NRG1: variants seen among roughly 807,000 people sequenced by gnomAD.
The protein encoded by NRG1 is neuregulin 1, also known as pro-neuregulin-1, membrane-bound isoform.
NRG1 carries 18 observed loss-of-function variants against 63.8 expected under a neutral mutation model. The ratio of observed to expected loss-of-function variants is 0.28; its 90% CI spans 0.19 to 0.42. The LOEUF is 0.42. NRG1 is among the 10% of genes least tolerant of loss of function. The pLI, the probability that NRG1 is intolerant of heterozygous loss-of-function variation, is 1.00. For synonymous variants in NRG1, 302 were observed against 301.3 expected, an observed-to-expected ratio of 1.00 and a Z score of -0.02; for missense variants, 762 against 814.7, an observed-to-expected ratio of 0.94 and a Z score of 0.79.
intron 1 of NRG1, among the ~76,000 whole-genome samples, chr8:32,068,317 A>C (rs1455381205): frequency 6.6e-6 from 1 of 152,222 alleles, no homozygotes; most frequent in Non-Finnish European, 1.5e-5. Context: ...GGGATTAGTA[A>C]TTGCAAAAGC....
intron 1 of NRG1, among the ~76,000 whole-genome samples, chr8:31,964,550 A>G (rs906312643): frequency 1.3e-5 from 2 of 152,176 alleles, no homozygotes; most frequent in African/African-American, 4.8e-5. Flanking sequence ...CTGTAGTCCC[A>G]GCTACTTGGG....
At position 32,109,073 on chromosome 8, in the gene NRG1, T is replaced by A. The variant is rs1831658615; in HGVS notation, c.37+469642T>A. 2.0e-5 allele frequency among the ~76,000 whole-genome samples: 3 copies of A among 152,210 alleles called. No individual in the cohort carries two copies. The South Asian group carries it at 6.2e-4, about 31-fold the overall frequency. On this transcript the variant is annotated intron_variant, in intron 1 of 10. Transcript: ENST00000519301. ...TACTGCTGCAACATCTTTGGTGTAA[T>A]TAAAACATCCTCCATGAATCAGAGT...
At chr8:32,255,554 G>T (rs966935399) in intron 1 of NRG1, among the ~76,000 whole-genome samples, 1 of 152,200 alleles carries the variant, frequency 6.6e-6, no homozygotes, top group African/African-American at 2.4e-5. Context: ...TTTCTGCAGA[G>T]AATTCCTCTG....
intron 1 of NRG1, among the ~76,000 whole-genome samples, chr8:32,485,859 C>A (rs1587919272): frequency 6.6e-6 from 1 of 152,210 alleles, no homozygotes; most frequent in South Asian, 2.1e-4. Flanking sequence ...CACTCAAACC[C>A]CTAAAGTTAT....
At chr8:32,030,112 T>C (rs556430795) in intron 1 of NRG1, among the ~76,000 whole-genome samples, 2 of 152,320 alleles carry the variant, frequency 1.3e-5, no homozygotes, top group South Asian at 2.1e-4. Flanking sequence ...GTTTGAATAA[T>C]AAATATATGT....
chr8:31,894,614 G>C (rs1472775796), intron 1 of NRG1, among the ~76,000 whole-genome samples: 1 of 147,204 alleles, frequency 6.8e-6, no homozygotes, highest in Non-Finnish European at 1.5e-5. Context: ...GCAGTGGTGC[G>C]ATCTTGGCTC....
intron 1 of NRG1, among the ~76,000 whole-genome samples, chr8:31,821,196 A>G (rs745541758): frequency 2.0e-5 from 3 of 152,214 alleles, no homozygotes; most frequent in Non-Finnish European, 4.4e-5. Context: ...TTTGGGGCAT[A>G]TTTTTGAATC....
chr8:31,772,255 T>C (rs543352758), intron 1 of NRG1, among the ~76,000 whole-genome samples: 6 of 152,332 alleles, frequency 3.9e-5, no homozygotes, highest in African/African-American at 1.4e-4. Flanking sequence ...CCAGTGTTTC[T>C]TGTCACGTTT....
At chr8:31,993,839 C>T (rs1811479272) in intron 1 of NRG1, among the ~76,000 whole-genome samples, 1 of 152,042 alleles carries the variant, frequency 6.6e-6, no homozygotes, top group African/African-American at 2.4e-5. Context: ...TACTGTGATT[C>T]ATCTTGAAGT....
At chr8:32,533,343 T>A (rs1831644954) in intron 1 of NRG1, among the ~76,000 whole-genome samples, 1 of 152,098 alleles carries the variant, frequency 6.6e-6, no homozygotes, top group South Asian at 2.1e-4. Context: ...TCAAGTACAA[T>A]AAAATGGATT....
intron 5 of NRG1, among the ~76,000 whole-genome samples, chr8:32,690,417 C>G (rs1456552295): frequency 6.6e-6 from 1 of 152,094 alleles, no homozygotes; most frequent in Non-Finnish European, 1.5e-5. Context: ...CAGAGCAGAC[C>G]TACTGTATTG....
At chr8:32,567,832 T>C (rs944434784) in intron 1 of NRG1, among the ~76,000 whole-genome samples, 7 of 152,204 alleles carry the variant, frequency 4.6e-5, no homozygotes, top group Non-Finnish European at 7.3e-5. Context: ...GGAGTGTCAA[T>C]TGAAGAAATT....
chr8:31,980,336 T>G (rs1034227538), intron 1 of NRG1, among the ~76,000 whole-genome samples: 5 of 152,106 alleles, frequency 3.3e-5, no homozygotes, highest in African/African-American at 1.2e-4. Context: ...GAATTTATGT[T>G]GCCATGTACA....
At chr8:32,490,733 A>G (rs752255560) in intron 1 of NRG1, among the ~76,000 whole-genome samples, 47 of 152,128 alleles carry the variant, frequency 3.1e-4, no homozygotes, top group African/African-American at 1.1e-3. Flanking sequence ...TTCAAGTTTT[A>G]TTATTTCTTT....
At chr8:32,019,307 C>T (rs1477764254) in intron 1 of NRG1, among the ~76,000 whole-genome samples, 2 of 152,290 alleles carry the variant, frequency 1.3e-5, no homozygotes, top group East Asian at 3.9e-4. Context: ...ACCATGTTAG[C>T]CAGGATGGTC....
chr8:32,650,609 T>C (rs186189132), intron 5 of NRG1, among the ~76,000 whole-genome samples: 1 of 150,154 alleles, frequency 6.7e-6, no homozygotes. Context: ...TAAGTGGTTG[T>C]TTTTGTTGTT....
chr8:31,730,118 C>A lies in NRG1; in HGVS notation c.37+90687C>A, dbSNP rs759474847. Among the ~76,000 whole-genome samples, 4 of 152,140 alleles carry A rather than the reference C, an allele frequency of 2.6e-5. No homozygotes were observed. In the South Asian group the frequency reaches 8.3e-4, roughly 31 times the overall value. ...GAAAAAGCAGTCAGTCCAAAAACAA[C>A]ATTCTTGTGGTTTGATTAATCCAAA... On this transcript the variant is annotated intron_variant, in intron 1 of 10. Coordinates refer to the NRG1 transcript ENST00000519301.
chr8:32,463,206 A>G (rs1210409903), intron 1 of NRG1, among the ~76,000 whole-genome samples: 1 of 151,964 alleles, frequency 6.6e-6, no homozygotes, highest in Non-Finnish European at 1.5e-5. Context: ...CTGTTAATGG[A>G]TTCTTAGGTT....
In NRG1 at chr8:31,640,093, C is replaced by T; in HGVS notation, c.37+662C>T. ...GCCGCTGCCGCTGCTGCCACTACTGCTGCTGCTGGGGACCGCGGCCCTGGC... is the reference window on the plus strand; with the variant it reads ...GCCGCTGCCGCTGCTGCCACTACTGTTGCTGCTGGGGACCGCGGCCCTGGC... On this transcript the variant is annotated intron_variant, in intron 1 of 10. Coordinates refer to the NRG1 transcript ENST00000519301. This position sits in a 1 kb window ranked among gnomAD's most constrained non-coding sequence, Gnocchi z 6.3. 8.8e-7 allele frequency: 1 copy of T among 1,141,806 alleles called. No homozygotes were observed. 70.7% of individuals were successfully genotyped at this position (1,141,806 alleles called of 1,614,324 possible).
Sources: gnomAD v4.1 joint callset for allele counts (sites outside exome capture counted in the v4.1 genomes callset) on GRCh38, gnomAD v4.1.1 for gene constraint, Gnocchi (gnomAD v3.1) non-coding constraint, MANE v1.5 for transcripts, NCBI Gene and HGNC (gene_info 2026-07-23, HGNC 2026-07-21) for gene names.